The following TSPAN11 variants were observed in gnomAD, a reference collection of about 807,000 sequenced individuals.
The protein encoded by TSPAN11 is tetraspanin-11.
A neutral mutation model predicts 32.9 loss-of-function variants in TSPAN11; 29 were observed. That is an observed-to-expected ratio of 0.88 (90% CI 0.66 to 1.20). The LOEUF (loss-of-function observed/expected upper bound fraction) is 1.20, where lower values mean the gene tolerates loss of function less well. Among genes scored for constraint, TSPAN11 ranks in the 50% most tolerant of loss-of-function variants. The pLI is 0.00. For synonymous variants in TSPAN11, 140 were observed against 141.3 expected (o/e 0.99, Z 0.07); for missense variants, 283 against 329.1 (o/e 0.86, Z 1.08).
chr12:30,933,480 C>G lies in TSPAN11; in HGVS notation c.-12+6684C>G, dbSNP rs1937976672. 2.0e-5 allele frequency among the ~76,000 whole-genome samples: 3 copies of G among 152,252 alleles called. No individual in the cohort carries two copies. The South Asian group carries it at 6.2e-4, about 32-fold the overall frequency. On this transcript the variant is annotated intron_variant, in intron 1 of 7. Coordinates refer to ENST00000546076, the MANE Select transcript of TSPAN11 (RefSeq NM_001370302.1). The stretch of plus-strand genomic sequence containing the variant: ...AGAACCAGGCTCACATTTATGTTCC[C>G]CCTTCCAGCTCCTTCCTCTCAGCAC...
the TSPAN11 span, among the ~76,000 whole-genome samples, chr12:31,016,082 G>C: frequency 3.5e-4 from 53 of 152,328 alleles, no homozygotes; most frequent in East Asian, 9.8e-3. Context: ...TTCGTGACCA[G>C]CCTGGGCAAC....
chr12:30,966,254 G>C (rs1286336438), intron 3 of TSPAN11, among the ~76,000 whole-genome samples: 5 of 152,016 alleles, frequency 3.3e-5, no homozygotes, highest in African/African-American at 4.8e-5. Flanking sequence ...AAGGCAGGAG[G>C]GGATTCCGTT....
rs372396304 is a variant in TSPAN11, at chr12:30,967,507, T to G, written c.276+3490T>G. Among the ~76,000 whole-genome samples the G allele has an allele frequency of 1.2e-3, 183 of 152,320 alleles. 1 individual carries two copies. Among genetic ancestry groups the G allele is most frequent in the African/African-American group, 4.2e-3 (176 of 41,570 alleles). On this transcript the variant is annotated intron_variant, in intron 3 of 7. Coordinates refer to ENST00000546076, the MANE Select transcript of TSPAN11 (RefSeq NM_001370302.1). ...ACAGGCTGGTGCAAGATTCCCTGCT[T>G]CTTCTCAGCTCCACTTTACCCTCTT...
At chr12:30,964,155 C>G (rs1938679457) in intron 3 of TSPAN11, 138 bp downstream of exon 3, 1 of 1,122,308 alleles carries the variant, frequency 8.9e-7, no homozygotes, top group African/African-American at 1.6e-5. Context: ...GTGGCTGCTC[C>G]TGGGTCTGGG....
intron 1 of TSPAN11, among the ~76,000 whole-genome samples, 172 bp from the exon 2 acceptor site, chr12:30,953,809 T>C (rs1453990999): frequency 1.3e-5 from 2 of 152,192 alleles, no homozygotes. Flanking sequence ...CTATTTGGTC[T>C]CCTTAGCAAT....
intron 1 of TSPAN11, among the ~76,000 whole-genome samples, chr12:30,936,842 G>C (rs1938055314): frequency 6.6e-6 from 1 of 152,154 alleles, no homozygotes; most frequent in South Asian, 2.1e-4. Context: ...GCATAAATGG[G>C]GGTAGCAAAG....
chr12:30,929,009 G>A (rs534370201), intron 1 of TSPAN11, among the ~76,000 whole-genome samples: 2 of 152,324 alleles, frequency 1.3e-5, no homozygotes, highest in Non-Finnish European at 2.9e-5. Flanking sequence ...ATTAGTAAGG[G>A]GATGTGCATA....
chr12:30,953,998 C>T lies in TSPAN11; in HGVS notation c.7C>T (p.His3Tyr). The part of the protein sequence containing the change: MA[H>Y]YKTEQDDWLI... Reference sequence around the variant, plus strand: ...CTCTGCAGGCCCAGAAGCCATGGCCCACTATAAGACTGAGCAGGACGACTG... The same window carrying T: ...CTCTGCAGGCCCAGAAGCCATGGCCTACTATAAGACTGAGCAGGACGACTG... The change falls in exon 2 of 8, where the codon CAC (histidine) becomes TAC (tyrosine). Residue 3 changes from histidine to tyrosine, a missense_variant. Physicochemically the swap from His to Tyr is moderately conservative, Grantham distance 83. Coordinates refer to ENST00000546076, the MANE Select transcript of TSPAN11 (RefSeq NM_001370302.1). The T allele has an allele frequency of 6.2e-7, 1 of 1,613,090 alleles. No individual in the cohort carries two copies. Among genetic ancestry groups the T allele is most frequent in the South Asian group, 1.1e-5 (1 of 90,968 alleles).
At chr12:31,016,421 T>C in the TSPAN11 span, among the ~76,000 whole-genome samples, 1 of 151,786 alleles carries the variant, frequency 6.6e-6, no homozygotes, top group African/African-American at 2.4e-5. Context: ...AGGTTTATTT[T>C]ACCACAATAA....
rs140914851 is a variant in TSPAN11, at chr12:30,935,558, A to G, written c.-12+8762A>G. 4.8e-3 allele frequency among the ~76,000 whole-genome samples: 735 copies of G among 151,896 alleles called. 4 individuals are homozygous for G. Among genetic ancestry groups the G allele is most frequent in the African/African-American group, 0.017 (687 of 41,432 alleles). On this transcript the variant is annotated intron_variant, in intron 1 of 7. Transcript: ENST00000546076. ...ACCAACATGCCCGGCTAGTTTTTGT[A>G]TTTTTAGTAGAGACGGGGTTTCACC... is the stretch of plus-strand genomic sequence containing the variant.
At chr12:30,998,701 G>T (rs142462484), downstream of TSPAN11, among the ~76,000 whole-genome samples, 50 of 152,296 alleles carry the variant, frequency 3.3e-4, no homozygotes, top group African/African-American at 1.1e-3. Flanking sequence ...ACATAACAAC[G>T]TCACTGCAGT....
At chr12:30,949,930 C>T (rs369549957) in intron 1 of TSPAN11, among the ~76,000 whole-genome samples, 1 of 152,112 alleles carries the variant, frequency 6.6e-6, no homozygotes, top group Admixed American at 6.5e-5. Context: ...TCTACCCTCC[C>T]CCTCGCACAT....
At chr12:30,932,686 G>A (rs1937958153) in intron 1 of TSPAN11, among the ~76,000 whole-genome samples, 1 of 152,126 alleles carries the variant, frequency 6.6e-6, no homozygotes, top group Non-Finnish European at 1.5e-5. Flanking sequence ...TAAAACCTAT[G>A]GAACCGCAGC....
At chr12:30,954,211 C>T in intron 2 of TSPAN11, 136 bp downstream of exon 2, 1 of 692,522 alleles carries the variant, frequency 1.4e-6, no homozygotes, top group Non-Finnish European at 2.6e-6. Context: ...GTGAATTCTT[C>T]CCACTTTAAA....
At chr12:30,983,862 A>G (rs1241708839) in intron 7 of TSPAN11, among the ~76,000 whole-genome samples, 1 of 152,158 alleles carries the variant, frequency 6.6e-6, no homozygotes, top group African/African-American at 2.4e-5. Context: ...CAAATATTGC[A>G]CCATTTTATA....
rs1320223154 is a variant in TSPAN11 at position 30,963,913 on chromosome 12, G to C, written c.172G>C (p.Ala58Pro). Residue 58 changes from alanine (A) to proline (P), a missense_variant, in exon 3 of 8, where the codon GCC becomes CCC. Coordinates refer to ENST00000546076, the MANE Select transcript of TSPAN11 (RefSeq NM_001370302.1). ...YLSVLASSTF[A>P]ASAYILIFAG... is the part of the protein sequence containing the mutation. ...CAGCGTCCTGGCCTCCAGCACCTTT[G>C]CCGCCTCCGCCTACATCCTCATCTT... The C allele has an allele frequency of 1.2e-6, 2 of 1,613,748 alleles. No homozygotes were observed. The highest frequency in any genetic ancestry group is 3.3e-5 in the Admixed American group (2 of 60,032).
At chr12:30,956,527 T>C (rs1938480585) in intron 2 of TSPAN11, among the ~76,000 whole-genome samples, 1 of 151,432 alleles carries the variant, frequency 6.6e-6, no homozygotes, top group Non-Finnish European at 1.5e-5. Flanking sequence ...CCCATCACCC[T>C]GTCCCTCACT....
chr12:30,947,648 A>T (rs1938296602), intron 1 of TSPAN11, among the ~76,000 whole-genome samples: 1 of 152,210 alleles, frequency 6.6e-6, no homozygotes, highest in Non-Finnish European at 1.5e-5. Flanking sequence ...AGTATGTGAA[A>T]GACTGGTCCC....
intron 7 of TSPAN11, chr12:30,986,677 A>C (rs1407176188): frequency 6.6e-6 from 1 of 152,270 alleles, no homozygotes; most frequent in Non-Finnish European, 1.5e-5. Flanking sequence ...GGAGTGTTAA[A>C]GCAGATGGTT....
Sources: allele counts gnomAD v4.1 joint callset (sites outside exome capture counted in the v4.1 genomes callset), GRCh38; gene constraint gnomAD v4.1.1; transcripts MANE v1.5; gene names NCBI Gene and HGNC (gene_info 2026-07-23, HGNC 2026-07-21).